SPIN1: variants seen among roughly 807,000 people sequenced by gnomAD.
SPIN1 encodes spindlin-1.
A neutral mutation model predicts 26.0 loss-of-function variants in SPIN1; 3 were observed. The observed-to-expected ratio is 0.12, with a 90% CI of 0.05 to 0.30. The LOEUF (loss-of-function observed/expected upper bound fraction) is 0.30, where lower values mean the gene tolerates loss of function less well. Among genes scored for constraint, SPIN1 ranks in the 10% least tolerant of loss-of-function variants. The pLI, the probability that SPIN1 is intolerant of heterozygous loss-of-function variation, is 1.00. For synonymous variants in SPIN1, 101 were observed against 116.5 expected (o/e 0.87, Z 0.86); for missense variants, 126 against 333.4 (o/e 0.38, Z 4.84).
chr9:88,399,756 A>G (rs895421053), intron 1 of SPIN1, among the ~76,000 whole-genome samples: 2 of 152,158 alleles, frequency 1.3e-5, no homozygotes, highest in African/African-American at 4.8e-5. Flanking sequence ...TGGAAACATA[A>G]AGGAAAGGAA....
intron 2 of SPIN1, among the ~76,000 whole-genome samples, chr9:88,443,707 G>A (rs1828186148): frequency 6.6e-6 from 1 of 152,186 alleles, no homozygotes; most frequent in Non-Finnish European, 1.5e-5. Flanking sequence ...AACGTATGCC[G>A]GGGAGGAGAA....
chr9:88,457,261 A>G (rs1828490273), intron 3 of SPIN1, among the ~76,000 whole-genome samples: 1 of 151,322 alleles, frequency 6.6e-6, no homozygotes, highest in Non-Finnish European at 1.5e-5. Context: ...AGAAAATTCT[A>G]AAACACCTTG....
chr9:88,436,039 T>C (rs1248698816), intron 2 of SPIN1, among the ~76,000 whole-genome samples: 1 of 152,190 alleles, frequency 6.6e-6, no homozygotes, highest in East Asian at 1.9e-4. Context: ...AAGTTCAGAG[T>C]TCAAAATCAT....
chr9:88,427,974 C>T (rs1185767112), intron 2 of SPIN1, among the ~76,000 whole-genome samples: 1 of 152,088 alleles, frequency 6.6e-6, no homozygotes, highest in Admixed American at 6.5e-5. Context: ...AGGTAGTTGC[C>T]TGGCACTTTT....
rs7022683 is a variant in SPIN1 at position 88,411,467 on chromosome 9, G to A, written c.-158-14915G>A. 5.6e-3 allele frequency: 6,529 copies of A among 1,166,326 alleles called. 271 individuals are homozygous for A. The African/African-American group carries it at 0.09, about 16-fold the overall frequency. 72.2% of individuals were successfully genotyped at this position (1,166,326 alleles called of 1,614,324 possible). A position where few individuals can be genotyped will look rare whatever the true frequency, so the allele number is the denominator to read the frequency against. On this transcript the variant is annotated intron_variant, in intron 1 of 5. Transcript: ENST00000375859. ...AGGAGACTTGTGACTTAGACATGAT[G>A]GCATGGAGAAGAGAGACTTTAATGA...
At chr9:88,438,839 G>A (rs1828060344) in intron 2 of SPIN1, among the ~76,000 whole-genome samples, 2 of 152,278 alleles carry the variant, frequency 1.3e-5, no homozygotes, top group South Asian at 4.1e-4. Context: ...TTGATGACAT[G>A]GGGAAAATGT....
At chr9:88,390,118 T>A (rs1826887016) in intron 1 of SPIN1, among the ~76,000 whole-genome samples, 1 of 152,238 alleles carries the variant, frequency 6.6e-6, no homozygotes, top group South Asian at 2.1e-4. Flanking sequence ...GTGAAATGGT[T>A]ACTTTTACAA....
intron 1 of SPIN1, among the ~76,000 whole-genome samples, chr9:88,392,229 C>A (rs73498082): frequency 0.019 from 2,875 of 152,166 alleles, 94 homozygotes; most frequent in African/African-American, 0.066. Flanking sequence ...AGTTGTGCAT[C>A]AGTATTCAGT....
intron 3 of SPIN1, among the ~76,000 whole-genome samples, chr9:88,458,652 A>T (rs1373991253): frequency 6.6e-6 from 1 of 152,186 alleles, no homozygotes; most frequent in Non-Finnish European, 1.5e-5. Flanking sequence ...CAAGGGTAGA[A>T]AATTTCATGC....
At chr9:88,457,321 G>A (rs1182282021) in intron 3 of SPIN1, among the ~76,000 whole-genome samples, 1 of 152,140 alleles carries the variant, frequency 6.6e-6, no homozygotes, top group Non-Finnish European at 1.5e-5. Flanking sequence ...CTTGAGGCCA[G>A]GAGTTTGAGC....
At chr9:88,443,839 A>T (rs2118110463) in intron 2 of SPIN1, among the ~76,000 whole-genome samples, 1 of 152,210 alleles carries the variant, frequency 6.6e-6, no homozygotes, top group South Asian at 2.1e-4. Context: ...GGATGGCTTG[A>T]TCAACTTCCC....
intron 1 of SPIN1, among the ~76,000 whole-genome samples, chr9:88,417,760 C>G (rs1827596082): frequency 6.6e-6 from 1 of 152,158 alleles, no homozygotes; most frequent in Admixed American, 6.5e-5. Context: ...GCATGAGCCA[C>G]CACACCCCAG....
chr9:88,474,784 T>G (rs1002126941), intron 5 of SPIN1, among the ~76,000 whole-genome samples: 2 of 152,168 alleles, frequency 1.3e-5, no homozygotes, highest in Non-Finnish European at 2.9e-5. Context: ...AAAAGTTTTA[T>G]TATTGGAACA....
At chr9:88,393,399 C>T (rs1486015310) in intron 1 of SPIN1, among the ~76,000 whole-genome samples, 1 of 146,214 alleles carries the variant, frequency 6.8e-6, no homozygotes, top group East Asian at 2.0e-4. Flanking sequence ...CTTAACCTGA[C>T]ACAGGCAATA....
intron 3 of SPIN1, 130 bp downstream of exon 3, chr9:88,449,119 G>C: frequency 1.3e-6 from 1 of 781,484 alleles, no homozygotes; most frequent in Non-Finnish European, 2.2e-6. Flanking sequence ...TGTAGTGTGC[G>C]ATGAGGAATA....
At chr9:88,464,991 A>G (rs1156414649) in intron 4 of SPIN1, among the ~76,000 whole-genome samples, 8 of 152,230 alleles carry the variant, frequency 5.3e-5, no homozygotes, top group African/African-American at 1.9e-4. Flanking sequence ...TATCTCATAG[A>G]AGTGGAATCA....
At chr9:88,430,874 A>G (rs1827853719) in intron 2 of SPIN1, among the ~76,000 whole-genome samples, 1 of 144,828 alleles carries the variant, frequency 6.9e-6, no homozygotes, top group South Asian at 2.2e-4. Flanking sequence ...CTTTTATGAT[A>G]TATTTTTTCT....
intron 3 of SPIN1, among the ~76,000 whole-genome samples, chr9:88,461,461 AAT>A (rs796588442): frequency 1.2e-4 from 19 of 152,350 alleles, no homozygotes; most frequent in African/African-American, 4.6e-4. Context: ...GACTTAGCTA[AAT>A]ATATGTTACC....
intron 3 of SPIN1, among the ~76,000 whole-genome samples, chr9:88,457,056 G>C (rs1189828275): frequency 6.6e-6 from 1 of 152,102 alleles, no homozygotes; most frequent in Admixed American, 6.5e-5. Flanking sequence ...CAGGGCAGTT[G>C]AATCATGGAG....
Sources: gnomAD v4.1 joint callset for allele counts (sites outside exome capture counted in the v4.1 genomes callset) on GRCh38, gnomAD v4.1.1 for gene constraint, MANE v1.5 for transcripts, NCBI Gene and HGNC (gene_info 2026-07-23, HGNC 2026-07-21) for gene names.